Variants in CAST observed in about 807,000 individuals in gnomAD.
CAST encodes the protein calpastatin, also known as MIR583 host.
CAST carries 76 observed loss-of-function variants against 119.6 expected under a neutral mutation model. The ratio of observed to expected loss-of-function variants is 0.64; its 90% CI spans 0.53 to 0.77. The LOEUF is 0.77. Ranked by LOEUF, CAST falls within the 30% of genes least tolerant of loss-of-function variation. The probability of loss-of-function intolerance (pLI) is 0.00; values close to 1 mark genes in which losing one functional copy is unlikely to be tolerated. For synonymous variants in CAST, 319 were observed against 331.6 expected, an observed-to-expected ratio of 0.96 and a Z score of 0.41; for missense variants, 953 against 946.5, an observed-to-expected ratio of 1.01 and a Z score of -0.09.
intron 3 of CAST, among the ~76,000 whole-genome samples, chr5:96,703,385 T>A (rs889042396): frequency 1.3e-5 from 2 of 152,242 alleles, no homozygotes; most frequent in African/African-American, 4.8e-5. Flanking sequence ...GAGCTCACTC[T>A]GACCTTTCTG....
At chr5:96,655,673 A>G (rs887014286) in intron 1 of CAST, among the ~76,000 whole-genome samples, 1 of 152,236 alleles carries the variant, frequency 6.6e-6, no homozygotes, top group Non-Finnish European at 1.5e-5. Context: ...CAATTTAACA[A>G]TATATTCTGG....
intron 1 of CAST, among the ~76,000 whole-genome samples, chr5:96,655,384 A>G (rs1748144886): frequency 6.6e-6 from 1 of 152,180 alleles, no homozygotes; most frequent in Non-Finnish European, 1.5e-5. Context: ...AAAGGCAGGG[A>G]GAAGGATAGA....
At chr5:96,754,538 G>A (rs1765858027) in intron 21 of CAST, 120 bp from the exon 22 acceptor site, 1 of 676,440 alleles carries the variant, frequency 1.5e-6, no homozygotes, top group Non-Finnish European at 2.6e-6. Context: ...CTAAGCATAC[G>A]GTCATATGTA....
At chr5:96,060,731 G>A in the CAST span, among the ~76,000 whole-genome samples, 1 of 152,082 alleles carries the variant, frequency 6.6e-6, no homozygotes, top group Non-Finnish European at 1.5e-5. Flanking sequence ...ATGATATAAG[G>A]GGTGTTGGTA....
chr5:96,619,469 G>T (rs1309013911), intron 1 of CAST, among the ~76,000 whole-genome samples: 1 of 152,270 alleles, frequency 6.6e-6, no homozygotes, highest in African/African-American at 2.4e-5. Context: ...GGTGGGGCCA[G>T]ATAAGGGAAT....
At chr5:96,468,620 A>C in the CAST span, among the ~76,000 whole-genome samples, 1 of 152,146 alleles carries the variant, frequency 6.6e-6, no homozygotes, top group Admixed American at 6.6e-5. Flanking sequence ...GCAGTATGTC[A>C]GATAAAAATG....
chr5:96,662,987 C>T (rs1748769629), intron 1 of CAST: 9 of 638,558 alleles, frequency 1.4e-5, no homozygotes, highest in Non-Finnish European at 2.2e-5. Context: ...CCCCAGGGTT[C>T]TGCCCACCTG....
chr5:96,274,197 G>C, the CAST span, among the ~76,000 whole-genome samples: 2 of 151,854 alleles, frequency 1.3e-5, no homozygotes, highest in African/African-American at 4.8e-5. Flanking sequence ...CGCCTCCCGG[G>C]TTCGTGCCAT....
chr5:96,152,535 G>GGGA, the CAST span, among the ~76,000 whole-genome samples: 1 of 152,134 alleles, frequency 6.6e-6, no homozygotes, highest in South Asian at 2.1e-4. Flanking sequence ...CTGTCCGGCT[G>GGGA]GGAGACTGAA....
At chr5:96,283,379 A>G in the CAST span, among the ~76,000 whole-genome samples, 4 of 152,194 alleles carry the variant, frequency 2.6e-5, no homozygotes, top group Admixed American at 2.0e-4. Flanking sequence ...GGGGTTCTGT[A>G]TCTTACATCC....
chr5:96,298,204 C>A, the CAST span, among the ~76,000 whole-genome samples: 1 of 152,184 alleles, frequency 6.6e-6, no homozygotes, highest in Non-Finnish European at 1.5e-5. Context: ...TGTAAGCCAC[C>A]GTTACAAAAC....
At chr5:96,583,490 G>A (rs1266352725) in intron 1 of CAST, among the ~76,000 whole-genome samples, 1 of 151,994 alleles carries the variant, frequency 6.6e-6, no homozygotes, top group African/African-American at 2.4e-5. Context: ...AGCTTAACAT[G>A]GGCACAATTT....
the CAST span, among the ~76,000 whole-genome samples, chr5:96,279,617 A>G: frequency 6.6e-6 from 1 of 152,224 alleles, no homozygotes; most frequent in Non-Finnish European, 1.5e-5. Context: ...AAGATGGGTA[A>G]TTCTTCTAGA....
At chr5:96,324,080 A>T in the CAST span, among the ~76,000 whole-genome samples, 6 of 152,166 alleles carry the variant, frequency 3.9e-5, no homozygotes, top group Non-Finnish European at 8.8e-5. Flanking sequence ...TGGCCTTCAG[A>T]TACTAACCCT....
At chr5:96,296,558 G>T in the CAST span, among the ~76,000 whole-genome samples, 2 of 152,142 alleles carry the variant, frequency 1.3e-5, no homozygotes, top group Non-Finnish European at 2.9e-5. Context: ...AGATTATAGA[G>T]GATAGGTCTT....
the CAST span, among the ~76,000 whole-genome samples, chr5:96,250,547 T>A: frequency 6.6e-6 from 1 of 152,166 alleles, no homozygotes; most frequent in Non-Finnish European, 1.5e-5. Flanking sequence ...TAATGACAAC[T>A]CCTGCTTACT....
At chr5:96,702,387 G>T (rs1014782785) in intron 3 of CAST, among the ~76,000 whole-genome samples, 1 of 152,032 alleles carries the variant, frequency 6.6e-6, no homozygotes, top group African/African-American at 2.4e-5. Context: ...AAAGTAATCG[G>T]GTAGAATTCT....
the CAST span, chr5:96,421,916 T>G: frequency 1.9e-6 from 3 of 1,586,558 alleles, no homozygotes; most frequent in Non-Finnish European, 2.6e-6. Flanking sequence ...GGGAAATGGA[T>G]CATGGTCATT....
At chr5:96,427,381 T>C in the CAST span, among the ~76,000 whole-genome samples, 608 of 152,318 alleles carry the variant, frequency 4.0e-3, 3 homozygotes, top group African/African-American at 0.014. Flanking sequence ...CTTTCTATTA[T>C]GCATTATAGG....
Sources: allele counts gnomAD v4.1 joint callset (sites outside exome capture counted in the v4.1 genomes callset), GRCh38; gene constraint gnomAD v4.1.1; transcripts MANE v1.5; gene names NCBI Gene and HGNC (gene_info 2026-07-23, HGNC 2026-07-21).